Variants in ST8SIA4 observed in about 807,000 individuals in gnomAD.
ST8SIA4 encodes ST8 alpha-N-acetyl-neuraminide alpha-2,8-sialyltransferase 4.
In ST8SIA4, 15 loss-of-function variants were observed where a neutral mutation model predicts 33.9. The ratio of observed to expected loss-of-function variants is 0.44; its 90% confidence interval spans 0.30 to 0.68. ST8SIA4 has a LOEUF of 0.68. Ranked by LOEUF, ST8SIA4 falls within the 30% of genes least tolerant of loss-of-function variation. ST8SIA4 has a pLI of 0.10. For synonymous variants in ST8SIA4, 171 were observed against 151.2 expected, an observed-to-expected ratio of 1.13 and a Z score of -0.96; for missense variants, 321 against 428.0, an observed-to-expected ratio of 0.75 and a Z score of 2.21.
intron 3 of ST8SIA4, among the ~76,000 whole-genome samples, chr5:100,857,315 C>A (rs1254343202): frequency 6.6e-6 from 1 of 151,674 alleles, no homozygotes; most frequent in African/African-American, 2.4e-5. Flanking sequence ...GGCCTTTAAC[C>A]AATTTCTGAT....
chr5:100,859,650 A>T (rs1469913846), intron 3 of ST8SIA4, among the ~76,000 whole-genome samples: 2 of 152,144 alleles, frequency 1.3e-5, no homozygotes, highest in Non-Finnish European at 2.9e-5. Flanking sequence ...CACACTGCAT[A>T]TGATGGCTTC....
chr5:100,875,164 G>A (rs1580476133), intron 3 of ST8SIA4, among the ~76,000 whole-genome samples: 1 of 152,118 alleles, frequency 6.6e-6, no homozygotes, highest in Admixed American at 6.6e-5. Context: ...TACAGTACAG[G>A]TAGGTAGAGA....
chr5:100,889,700 A>G (rs1027856789), intron 2 of ST8SIA4, among the ~76,000 whole-genome samples: 1 of 151,980 alleles, frequency 6.6e-6, no homozygotes, highest in African/African-American at 2.4e-5. Context: ...TAAAAAGGGA[A>G]CTATAAGAGT....
chr5:100,827,076 A>C (rs1241788985), intron 4 of ST8SIA4, among the ~76,000 whole-genome samples: 1 of 152,070 alleles, frequency 6.6e-6, no homozygotes, highest in African/African-American at 2.4e-5. Flanking sequence ...CCTTATTAGA[A>C]AAACACTTAT....
At chr5:100,867,282 AC>A (rs1245004627) in intron 3 of ST8SIA4, among the ~76,000 whole-genome samples, 1 of 152,024 alleles carries the variant, frequency 6.6e-6, no homozygotes, top group African/African-American at 2.4e-5. Context: ...AGATTGGAGA[AC>A]CAAGTGAGAA....
intron 4 of ST8SIA4, among the ~76,000 whole-genome samples, chr5:100,824,269 A>G (rs1482625676): frequency 2.0e-5 from 3 of 152,226 alleles, no homozygotes; most frequent in African/African-American, 7.2e-5. Context: ...ATACCTGTAG[A>G]GTGCAGAAGG....
intron 4 of ST8SIA4, among the ~76,000 whole-genome samples, chr5:100,852,265 G>C (rs1378899650): frequency 6.6e-6 from 1 of 151,682 alleles, no homozygotes; most frequent in Non-Finnish European, 1.5e-5. Flanking sequence ...GGGACTACAG[G>C]TGTGTGCCAC....
At chr5:100,896,942 T>C (rs1163373667) in intron 1 of ST8SIA4, among the ~76,000 whole-genome samples, 2 of 152,194 alleles carry the variant, frequency 1.3e-5, no homozygotes, top group East Asian at 3.8e-4. Flanking sequence ...ATGACTTGCT[T>C]GAGTTCCTAG....
chr5:100,819,368 A>G (rs911488349), intron 4 of ST8SIA4, among the ~76,000 whole-genome samples: 1 of 152,234 alleles, frequency 6.6e-6, no homozygotes, highest in Non-Finnish European at 1.5e-5. Flanking sequence ...TGGGAAGGTT[A>G]GTCAAATATA....
At chr5:100,876,827 A>C (rs1453327506) in intron 3 of ST8SIA4, among the ~76,000 whole-genome samples, 1 of 152,052 alleles carries the variant, frequency 6.6e-6, no homozygotes, top group Non-Finnish European at 1.5e-5. Context: ...GTAGGAAATG[A>C]AAATTGAGCT....
chr5:100,837,231 C>T (rs769516454), intron 4 of ST8SIA4, among the ~76,000 whole-genome samples: 1 of 151,890 alleles, frequency 6.6e-6, no homozygotes, highest in Non-Finnish European at 1.5e-5. Context: ...TTTAGAGACT[C>T]CACTTTAGGG....
intron 3 of ST8SIA4, among the ~76,000 whole-genome samples, chr5:100,882,384 C>T (rs1022191974): frequency 6.6e-6 from 1 of 152,172 alleles, no homozygotes; most frequent in Admixed American, 6.5e-5. Context: ...AGCAGTAAAG[C>T]ATTCAAGAGG....
chr5:100,848,607 G>A (rs750136675), intron 4 of ST8SIA4, among the ~76,000 whole-genome samples: 11 of 149,540 alleles, frequency 7.4e-5, no homozygotes, highest in African/African-American at 1.2e-4. Flanking sequence ...AAAGTATATC[G>A]CGAGTATAGA....
intron 3 of ST8SIA4, among the ~76,000 whole-genome samples, chr5:100,883,745 G>C (rs1752478344): frequency 6.6e-6 from 1 of 152,044 alleles, no homozygotes; most frequent in Non-Finnish European, 1.5e-5. Context: ...TTTTATCAGG[G>C]GTTTCTGCTT....
In ST8SIA4 at chr5:100,856,105, T is replaced by C; in HGVS notation, c.795A>G (p.Arg265=). 1 of 1,613,666 alleles carries C rather than the reference T, an allele frequency of 6.2e-7. No homozygotes were observed. Among genetic ancestry groups the C allele is most frequent in the Non-Finnish European group, 8.5e-7 (1 of 1,179,606 alleles). The change falls in exon 4 of 5, where the codon AGA becomes AGG. Residue 265 remains arginine, a splice_region_variant and synonymous_variant. Coordinates refer to ENST00000231461, the MANE Select transcript of ST8SIA4 (RefSeq NM_005668.6). The part of the protein sequence containing the change: ...YPSLRLIHAV[R]GYWLTNKVPI... ...ACTGGTCCTTTCCAGTCACTTACCCTCTGACAGCATGAATAAGTCTCAATG... is the reference window on the plus strand; with the variant it reads ...ACTGGTCCTTTCCAGTCACTTACCCCCTGACAGCATGAATAAGTCTCAATG...
chr5:100,837,351 T>C (rs903798585), intron 4 of ST8SIA4, among the ~76,000 whole-genome samples: 1 of 152,054 alleles, frequency 6.6e-6, no homozygotes, highest in African/African-American at 2.4e-5. Flanking sequence ...ATATCACTGT[T>C]GCCAGTGCAA....
At chr5:100,829,968 G>A (rs1273338581) in intron 4 of ST8SIA4, among the ~76,000 whole-genome samples, 1 of 151,394 alleles carries the variant, frequency 6.6e-6, no homozygotes, top group Non-Finnish European at 1.5e-5. Context: ...CTTCTGTAAG[G>A]AAAAATGATC....
chr5:100,831,655 G>C (rs986249526), intron 4 of ST8SIA4, among the ~76,000 whole-genome samples: 3 of 151,948 alleles, frequency 2.0e-5, no homozygotes, highest in Non-Finnish European at 4.4e-5. Context: ...TCTCCATTGT[G>C]TTTCATGAAA....
intron 3 of ST8SIA4, among the ~76,000 whole-genome samples, chr5:100,879,222 G>A (rs1445930903): frequency 6.6e-6 from 1 of 152,020 alleles, no homozygotes; most frequent in Non-Finnish European, 1.5e-5. Context: ...AACAATCACA[G>A]CTGCTAAAAT....
Sources: gnomAD v4.1 joint callset for allele counts (sites outside exome capture counted in the v4.1 genomes callset) on GRCh38, gnomAD v4.1.1 for gene constraint, MANE v1.5 for transcripts, NCBI Gene and HGNC (gene_info 2026-07-23, HGNC 2026-07-21) for gene names.